BCL2L2: variants seen among roughly 807,000 people sequenced by gnomAD.
The protein encoded by BCL2L2 is bcl-2-like protein 2.
BCL2L2 carries 6 observed loss-of-function variants against 14.6 expected under a neutral mutation model. The ratio of observed to expected loss-of-function variants is 0.41; its 90% confidence interval spans 0.22 to 0.81. BCL2L2 has a LOEUF of 0.81. Ranked by LOEUF, BCL2L2 falls within the 30% of genes least tolerant of loss-of-function variation. The pLI is 0.32. For missense variants in BCL2L2, 191 were observed against 260.5 expected (o/e 0.73, Z 1.84); for synonymous variants, 90 against 108.5 (o/e 0.83, Z 1.06).
Position 23,308,607 on chromosome 14 carries a change from G to T in BCL2L2, c.433-209G>T, listed in dbSNP as rs1352217815. 6.6e-6 allele frequency among the ~76,000 whole-genome samples: 1 copy of T among 152,092 alleles called. No homozygotes were observed. The highest frequency in any genetic ancestry group is 2.4e-5 in the African/African-American group (1 of 41,410). ...ATGGAATTCACTGGAGGCAGAGTGG[G>T]CAGATGAACCAGTCTCTCAGGGTGG... On this transcript the variant is annotated intron_variant, in intron 3 of 3. Transcript: ENST00000250405. This position sits in a 1 kb window ranked among gnomAD's most constrained non-coding sequence, Gnocchi z 5.4.
rs374687458 is a variant in BCL2L2, at chr14:23,307,908, G to A, written c.141G>A (p.Arg47=). The stretch of plus-strand genomic sequence containing the variant: ...CTGACCCGCTGCACCAAGCCATGCG[G>A]GCAGCTGGAGATGAGTTCGAGACCC... The part of the protein sequence containing the change: ...PAADPLHQAM[R]AAGDEFETRF... Residue 47 remains arginine (R), a synonymous_variant, in exon 3 of 4, where the codon CGG becomes CGA. Coordinates refer to ENST00000250405, the MANE Select transcript of BCL2L2 (RefSeq NM_004050.5). The A allele has an allele frequency of 1.7e-5, 27 of 1,613,450 alleles. No individual in the cohort carries two copies. Among genetic ancestry groups the A allele is most frequent in the Non-Finnish European group, 2.3e-5 (27 of 1,179,826 alleles).
rs1422132808 is a variant in BCL2L2 at position 23,310,845 on chromosome 14, A to G, written c.*1880A>G. Reference sequence around the variant, plus strand: ...CCTCAAACAGAACAGCTCCCCTTGTAGCTGTCTTACATATTGGGGTTCAGG... The same window carrying G: ...CCTCAAACAGAACAGCTCCCCTTGTGGCTGTCTTACATATTGGGGTTCAGG... On this transcript the variant is annotated 3_prime_UTR_variant, in exon 4 of 4. Coordinates refer to ENST00000250405, the MANE Select transcript of BCL2L2 (RefSeq NM_004050.5). 4 of 1,240,680 alleles carry G rather than the reference A, an allele frequency of 3.2e-6. No individual in the cohort carries two copies. The highest frequency in any genetic ancestry group is 4.2e-6 in the Non-Finnish European group (4 of 954,112). The allele number at this position is 1,240,680 out of a possible 1,614,324, so 76.9% of individuals were successfully genotyped here.
Position 23,311,547 on chromosome 14 carries a change from A to G in BCL2L2, c.*2582A>G, listed in dbSNP as rs1887616293. On this transcript the variant is annotated 3_prime_UTR_variant, in exon 4 of 4. Transcript: ENST00000250405. ...TCCCCACTTATTCTAGGGCACACAAACACTATTTTACTTTTTTAAAATCAT... is the reference window on the plus strand; with the variant it reads ...TCCCCACTTATTCTAGGGCACACAAGCACTATTTTACTTTTTTAAAATCAT... The G allele has an allele frequency of 1.0e-6, 1 of 986,804 alleles. No homozygotes were observed. Among genetic ancestry groups the G allele is most frequent in the Non-Finnish European group, 1.2e-6 (1 of 831,048 alleles). The allele number at this position is 986,804 out of a possible 1,614,324, so 61.1% of individuals were successfully genotyped here.
chr14:23,306,834 T>TCTCC lies in BCL2L2; in HGVS notation c.-147_-144dup, dbSNP rs1288887854. The TCTCC allele has an allele frequency of 7.2e-6, 1 of 139,372 alleles. No individual in the cohort carries two copies. The highest frequency in any genetic ancestry group is 7.1e-5 in the Admixed American group (1 of 14,022). 8.6% of individuals were successfully genotyped at this position (139,372 alleles called of 1,614,324 possible). On this transcript the variant is annotated 5_prime_UTR_variant, in exon 1 of 4. Coordinates refer to ENST00000250405, the MANE Select transcript of BCL2L2 (RefSeq NM_004050.5). Reference sequence around the variant, plus strand: ...CCTTCCTTCCCTCCCTTCCTCCCTCTCTCCCTCCCTCCCAGCTCCTGCACC... The same window carrying TCTCC: ...CCTTCCTTCCCTCCCTTCCTCCCTCTCTCCCTCCCTCCCTCCCAGCTCCTGCACC...
In BCL2L2 at chr14:23,307,749, G is replaced by C; in HGVS notation, c.-8-11G>C. On this transcript the variant is annotated splice_polypyrimidine_tract_variant and intron_variant, in intron 2 of 3. Coordinates refer to ENST00000250405, the MANE Select transcript of BCL2L2 (RefSeq NM_004050.5). ...ATATTCATGCCAGTCTTTCATCCTT[G>C]CCTCTTATAGCCGCCCGGATGGCGA... The C allele has an allele frequency of 6.6e-7, 1 of 1,517,652 alleles. No homozygotes were observed. Among genetic ancestry groups the C allele is most frequent in the South Asian group, 1.3e-5 (1 of 75,274 alleles). The allele number at this position is 1,517,652 out of a possible 1,614,324, so 94.0% of individuals were successfully genotyped here.
rs542137563 is a variant in BCL2L2 at position 23,308,476 on chromosome 14, ATCTGAG to A, written c.432+280_432+285del. Among the ~76,000 whole-genome samples the A allele has an allele frequency of 7.1e-4, 108 of 152,124 alleles. No individual in the cohort carries two copies. The highest frequency in any genetic ancestry group is 3.4e-3 in the Middle Eastern group (1 of 294). ...GGGAATGTTGTCAGGGACTTTTTAC[ATCTGAG>A]TCATGGCGTGGGAGGTGGGGAGGAC... On this transcript the variant is annotated intron_variant, in intron 3 of 3. Transcript: ENST00000250405. The surrounding 1 kb of genome is among the most constrained non-coding windows in gnomAD (Gnocchi z 5.4).
rs1217243550 is a variant in BCL2L2, at chr14:23,310,522, C to T, written c.*1557C>T. The T allele has an allele frequency of 1.9e-6, 2 of 1,039,822 alleles. No individual in the cohort carries two copies. Among genetic ancestry groups the T allele is most frequent in the African/African-American group, 1.7e-5 (1 of 57,552 alleles). 64.4% of individuals were successfully genotyped at this position (1,039,822 alleles called of 1,614,324 possible). The stretch of plus-strand genomic sequence containing the variant: ...TCGCCAGAACGTGGGACCAAATTGG[C>T]CTCAGGTGTTGAGTCCAGACTTCTG... On this transcript the variant is annotated 3_prime_UTR_variant, in exon 4 of 4. Transcript: ENST00000250405.
rs917148087 is a variant in BCL2L2 at position 23,308,404 on chromosome 14, A to G, written c.432+205A>G. Reference sequence around the variant, plus strand: ...CATGCAGTCAACACTGGATGGGCTCATGGTCCCAAGCAGAGGACAGAATAC... The same window carrying G: ...CATGCAGTCAACACTGGATGGGCTCGTGGTCCCAAGCAGAGGACAGAATAC... On this transcript the variant is annotated intron_variant, in intron 3 of 3. Coordinates refer to ENST00000250405, the MANE Select transcript of BCL2L2 (RefSeq NM_004050.5). The surrounding 1 kb of genome is among the most constrained non-coding windows in gnomAD (Gnocchi z 5.4). Among the ~76,000 whole-genome samples the G allele has an allele frequency of 6.6e-6, 1 of 152,082 alleles. No homozygotes were observed. Among genetic ancestry groups the G allele is most frequent in the African/African-American group, 2.4e-5 (1 of 41,400 alleles).
In BCL2L2 at chr14:23,311,087, G is replaced by A. The variant is rs780786244; in HGVS notation, c.*2122G>A. Reference sequence around the variant, plus strand: ...GGGACCATGGCCAGGTTACCAAAATGCCCTGCTCTGAAGCCTTGACACCTG... The same window carrying A: ...GGGACCATGGCCAGGTTACCAAAATACCCTGCTCTGAAGCCTTGACACCTG... On this transcript the variant is annotated 3_prime_UTR_variant, in exon 4 of 4. Coordinates refer to ENST00000250405, the MANE Select transcript of BCL2L2 (RefSeq NM_004050.5). The A allele has an allele frequency of 6.2e-5, 80 of 1,289,116 alleles. No homozygotes were observed. The highest frequency in any genetic ancestry group is 1.4e-4 in the African/African-American group (9 of 65,856). The allele number at this position is 1,289,116 out of a possible 1,614,324, so 79.9% of individuals were successfully genotyped here.
Position 23,309,996 on chromosome 14 carries a change from G to A in BCL2L2, c.*1031G>A. ...TGGGTCCCACACTGTGTCTCAGTGAGACTGTTGATGCCTTGAGATGACCAT... is the reference window on the plus strand; with the variant it reads ...TGGGTCCCACACTGTGTCTCAGTGAAACTGTTGATGCCTTGAGATGACCAT... On this transcript the variant is annotated 3_prime_UTR_variant, in exon 4 of 4. Transcript: ENST00000250405. 5.1e-6 allele frequency: 5 copies of A among 985,512 alleles called. No individual in the cohort carries two copies. The highest frequency in any genetic ancestry group is 6.0e-6 in the Non-Finnish European group (5 of 829,992). The allele number at this position is 985,512 out of a possible 1,614,324, so 61.0% of individuals were successfully genotyped here. A position where few individuals can be genotyped will look rare whatever the true frequency, so the allele number is the denominator to read the frequency against.
rs1887564241 is a variant in BCL2L2 at position 23,310,782 on chromosome 14, T to C, written c.*1817T>C. ...GTTGCCTCAGGAGTCCTTGGGGAGATGAAGGGGGTGGGGAGCTGAGCAGGC... is the reference window on the plus strand; with the variant it reads ...GTTGCCTCAGGAGTCCTTGGGGAGACGAAGGGGGTGGGGAGCTGAGCAGGC... On this transcript the variant is annotated 3_prime_UTR_variant, in exon 4 of 4. Coordinates refer to ENST00000250405, the MANE Select transcript of BCL2L2 (RefSeq NM_004050.5). 8.4e-7 allele frequency: 1 copy of C among 1,194,854 alleles called. No homozygotes were observed. Among genetic ancestry groups the C allele is most frequent in the Non-Finnish European group, 1.1e-6 (1 of 941,152 alleles). The allele number at this position is 1,194,854 out of a possible 1,614,324, so 74.0% of individuals were successfully genotyped here.
Position 23,309,192 on chromosome 14 carries a change from G to T in BCL2L2, c.*227G>T. ...TTTTGGCAAGTTTAGGGGCACAGGAGATGTAGTCGTTCCAGGGCTGGGGGA... is the reference window on the plus strand; with the variant it reads ...TTTTGGCAAGTTTAGGGGCACAGGATATGTAGTCGTTCCAGGGCTGGGGGA... On this transcript the variant is annotated 3_prime_UTR_variant, in exon 4 of 4. Coordinates refer to ENST00000250405, the MANE Select transcript of BCL2L2 (RefSeq NM_004050.5). 5.9e-6 allele frequency: 6 copies of T among 1,020,324 alleles called. No homozygotes were observed. Among genetic ancestry groups the T allele is most frequent in the Non-Finnish European group, 3.5e-6 (3 of 848,532 alleles). The allele number at this position is 1,020,324 out of a possible 1,614,324, so 63.2% of individuals were successfully genotyped here.
rs1887594222 is a variant in BCL2L2, at chr14:23,311,187, C to T, written c.*2222C>T. The T allele has an allele frequency of 1.6e-6, 2 of 1,266,760 alleles. No individual in the cohort carries two copies. The highest frequency in any genetic ancestry group is 2.0e-6 in the Non-Finnish European group (2 of 983,530). The allele number at this position is 1,266,760 out of a possible 1,614,324, so 78.5% of individuals were successfully genotyped here. A position where few individuals can be genotyped will look rare whatever the true frequency, so the allele number is the denominator to read the frequency against. On this transcript the variant is annotated 3_prime_UTR_variant, in exon 4 of 4. Coordinates refer to ENST00000250405, the MANE Select transcript of BCL2L2 (RefSeq NM_004050.5). ...TCCCAGAAGCATAGCTTAGATGGGA[C>T]CACAGTGGGCAATTTTGACCTGTCC...
rs1164453682 is a variant in BCL2L2, at chr14:23,308,627, G to C, written c.433-189G>C. Among the ~76,000 whole-genome samples, 1 of 152,140 alleles carries C rather than the reference G, an allele frequency of 6.6e-6. No individual in the cohort carries two copies. Among genetic ancestry groups the C allele is most frequent in the Non-Finnish European group, 1.5e-5 (1 of 68,030 alleles). ...AGTGGGCAGATGAACCAGTCTCTCA[G>C]GGTGGGGGTGCACCTGGGGGGATCA... is the stretch of plus-strand genomic sequence containing the variant. On this transcript the variant is annotated intron_variant, in intron 3 of 3. Transcript: ENST00000250405. This position sits in a 1 kb window ranked among gnomAD's most constrained non-coding sequence, Gnocchi z 5.4.
rs1215323879 is a variant in BCL2L2 at position 23,308,741 on chromosome 14, C to T, written c.433-75C>T. 1.7e-6 allele frequency: 2 copies of T among 1,188,750 alleles called. No homozygotes were observed. Among genetic ancestry groups the T allele is most frequent in the South Asian group, 6.7e-5 (2 of 29,696 alleles). The allele number at this position is 1,188,750 out of a possible 1,614,324, so 73.6% of individuals were successfully genotyped here. A position where few individuals can be genotyped will look rare whatever the true frequency, so the allele number is the denominator to read the frequency against. On this transcript the variant is annotated intron_variant, in intron 3 of 3. Coordinates refer to ENST00000250405, the MANE Select transcript of BCL2L2 (RefSeq NM_004050.5). The surrounding 1 kb of genome is among the most constrained non-coding windows in gnomAD (Gnocchi z 5.4). ...TGGATGGAACTGGAACTCTTCCTCTCCTCTTCTCTCCACTCTTTCCTCTCC... is the reference window on the plus strand; with the variant it reads ...TGGATGGAACTGGAACTCTTCCTCTTCTCTTCTCTCCACTCTTTCCTCTCC...
Position 23,309,236 on chromosome 14 carries a change from T to G in BCL2L2, c.*271T>G. 8.4e-7 allele frequency: 1 copy of G among 1,192,526 alleles called. No individual in the cohort carries two copies. The allele number at this position is 1,192,526 out of a possible 1,614,324, so 73.9% of individuals were successfully genotyped here. A position where few individuals can be genotyped will look rare whatever the true frequency, so the allele number is the denominator to read the frequency against. On this transcript the variant is annotated 3_prime_UTR_variant, in exon 4 of 4. Transcript: ENST00000250405. ...TGGGGGAGGTGGGAGGGATCACGCC[T>G]ATAGGTGTGGGCACATGAAACGACC... is the stretch of plus-strand genomic sequence containing the variant.
Position 23,311,665 on chromosome 14 carries a change from A to C in BCL2L2, c.*2700A>C. The C allele has an allele frequency of 1.1e-6, 1 of 923,654 alleles. No individual in the cohort carries two copies. The highest frequency in any genetic ancestry group is 1.3e-6 in the Non-Finnish European group (1 of 773,800). The allele number at this position is 923,654 out of a possible 1,614,324, so 57.2% of individuals were successfully genotyped here. Reference sequence around the variant, plus strand: ...TGTATTTTTATTTAATAATTTATAAATACCAAGTTCATTTGACTTTTATTT... The same window carrying C: ...TGTATTTTTATTTAATAATTTATAACTACCAAGTTCATTTGACTTTTATTT... On this transcript the variant is annotated 3_prime_UTR_variant, in exon 4 of 4. Coordinates refer to ENST00000250405, the MANE Select transcript of BCL2L2 (RefSeq NM_004050.5).
rs1053060381 is a variant in BCL2L2, at chr14:23,309,217, A to AG, written c.*254dup. On this transcript the variant is annotated 3_prime_UTR_variant, in exon 4 of 4. Coordinates refer to ENST00000250405, the MANE Select transcript of BCL2L2 (RefSeq NM_004050.5). Reference sequence around the variant, plus strand: ...GATGTAGTCGTTCCAGGGCTGGGGGAGGTGGGAGGGATCACGCCTATAGGT... The same window carrying AG: ...GATGTAGTCGTTCCAGGGCTGGGGGAGGGTGGGAGGGATCACGCCTATAGGT... 2 of 689,578 alleles carry AG rather than the reference A, an allele frequency of 2.9e-6. No homozygotes were observed. The highest frequency in any genetic ancestry group is 3.5e-6 in the Non-Finnish European group (2 of 578,620). 42.7% of individuals were successfully genotyped at this position (689,578 alleles called of 1,614,324 possible).
chr14:23,308,060 C>T lies in BCL2L2; in HGVS notation c.293C>T (p.Ala98Val). 6.2e-7 allele frequency: 1 copy of T among 1,614,042 alleles called. No individual in the cohort carries two copies. Among genetic ancestry groups the T allele is most frequent in the Non-Finnish European group, 8.5e-7 (1 of 1,180,036 alleles). Reference sequence around the variant, plus strand: ...GGCCCCAACTGGGGCCGCCTTGTAGCCTTCTTTGTCTTTGGGGCTGCACTG... The same window carrying T: ...GGCCCCAACTGGGGCCGCCTTGTAGTCTTCTTTGTCTTTGGGGCTGCACTG... ...QGGPNWGRLV[A>V]FFVFGAALCA... The change falls in exon 3 of 4, where the codon GCC (alanine) becomes GTC (valine). Residue 98 changes from alanine to valine, a missense_variant. Transcript: ENST00000250405. The surrounding 1 kb of genome is among the most constrained non-coding windows in gnomAD (Gnocchi z 5.4).
Sources: gnomAD v4.1 joint callset for allele counts (sites outside exome capture counted in the v4.1 genomes callset) on GRCh38, gnomAD v4.1.1 for gene constraint, Gnocchi (gnomAD v3.1) non-coding constraint, MANE v1.5 for transcripts, NCBI Gene and HGNC (gene_info 2026-07-23, HGNC 2026-07-21) for gene names.